CAMK2D: variants seen among roughly 807,000 people sequenced by gnomAD.
CAMK2D encodes the protein calcium/calmodulin dependent protein kinase II delta.
Under a neutral mutation model 84.0 loss-of-function variants are expected in CAMK2D, and 37 were observed. The observed-to-expected ratio is 0.44, with a 90% confidence interval of 0.34 to 0.58. The LOEUF is 0.58. Ranked by LOEUF, CAMK2D falls within the 20% of genes least tolerant of loss-of-function variation. CAMK2D has a pLI of 0.02. For missense variants in CAMK2D, 448 were observed against 652.5 expected (o/e 0.69, Z 3.41); for synonymous variants, 202 against 212.5 (o/e 0.95, Z 0.43).
chr4:113,460,558 T>C (rs967991409), intron 17 of CAMK2D, among the ~76,000 whole-genome samples: 11 of 152,144 alleles, frequency 7.2e-5, no homozygotes, highest in African/African-American at 2.6e-4. Flanking sequence ...TTTTTCTAAC[T>C]CTTGATTGAG....
intron 16 of CAMK2D, among the ~76,000 whole-genome samples, chr4:113,483,447 G>T (rs1321044202): frequency 1.3e-5 from 2 of 150,630 alleles, no homozygotes; most frequent in African/African-American, 4.9e-5. Context: ...CTTTTGTCGC[G>T]CAGGCTGGAG....
intron 4 of CAMK2D, among the ~76,000 whole-genome samples, chr4:113,558,754 C>T (rs971837276): frequency 1.4e-5 from 2 of 147,814 alleles, no homozygotes; most frequent in African/African-American, 5.3e-5. Flanking sequence ...CGCCTATACT[C>T]CCTGCACTTT....
intron 4 of CAMK2D, among the ~76,000 whole-genome samples, chr4:113,574,959 A>G (rs547812026): frequency 6.6e-6 from 1 of 152,296 alleles, no homozygotes; most frequent in Admixed American, 6.5e-5. Context: ...TCAGCAGCAT[A>G]TGGTGAAATC....
chr4:113,478,618 T>A (rs2097659982), intron 16 of CAMK2D, among the ~76,000 whole-genome samples: 1 of 152,204 alleles, frequency 6.6e-6, no homozygotes, highest in Non-Finnish European at 1.5e-5. Context: ...TTATTTTTTC[T>A]GTCATTACGG....
At chr4:113,519,358 G>C (rs947401232) in intron 8 of CAMK2D, among the ~76,000 whole-genome samples, 2 of 152,136 alleles carry the variant, frequency 1.3e-5, no homozygotes, top group African/African-American at 2.4e-5. Flanking sequence ...TCTGGGAAGA[G>C]GAAGCTCACA....
At position 113,455,797 on chromosome 4, in the gene CAMK2D, T is replaced by C. The variant is rs773613193; in HGVS notation, c.1560A>G (p.Lys520=). The change falls in exon 20 of 21, where the codon AAA becomes AAG. Residue 520 remains lysine, a synonymous_variant. Transcript: ENST00000511664. ...PIKPPCIPNG[K]ENFSGGTSLW... ...AAGAGGTGCCTCCTGAGAAGTTTTCTTTCCCATTTGGAATACAGGGTGGCC... is the reference window on the plus strand; with the variant it reads ...AAGAGGTGCCTCCTGAGAAGTTTTCCTTCCCATTTGGAATACAGGGTGGCC... The C allele has an allele frequency of 5.6e-6, 9 of 1,612,106 alleles. No homozygotes were observed. The African/African-American group carries it at 1.1e-4, about 19-fold the overall frequency.
intron 8 of CAMK2D, among the ~76,000 whole-genome samples, chr4:113,528,768 C>A (rs558007004): frequency 6.6e-6 from 1 of 152,242 alleles, no homozygotes. Flanking sequence ...GAGTCTCAGG[C>A]CACTCTGTTG....
At chr4:113,463,429 T>C (rs376868718) in intron 17 of CAMK2D, among the ~76,000 whole-genome samples, 1 of 152,162 alleles carries the variant, frequency 6.6e-6, no homozygotes, top group African/African-American at 2.4e-5. Flanking sequence ...CAGGCTGGAG[T>C]GCAATGGTGC....
intron 2 of CAMK2D, among the ~76,000 whole-genome samples, chr4:113,732,050 G>C (rs17593394): frequency 0.13 from 19,864 of 151,956 alleles, 1,396 homozygotes; most frequent in East Asian, 0.21. Context: ...CTTTGGGCCG[G>C]GGTTTCTCAT....
chr4:113,631,166 C>A (rs1220058081), intron 3 of CAMK2D, among the ~76,000 whole-genome samples: 2 of 152,052 alleles, frequency 1.3e-5, no homozygotes, highest in Non-Finnish European at 2.9e-5. Context: ...ATTCAAAAAT[C>A]ACCTCTTCTT....
intron 2 of CAMK2D, among the ~76,000 whole-genome samples, chr4:113,690,582 A>T (rs186343872): frequency 6.6e-6 from 1 of 152,294 alleles, no homozygotes; most frequent in Admixed American, 6.5e-5. Flanking sequence ...TGTATTTTCA[A>T]AATATCTACT....
chr4:113,682,777 G>A (rs2099349409), intron 2 of CAMK2D, among the ~76,000 whole-genome samples: 1 of 152,106 alleles, frequency 6.6e-6, no homozygotes, highest in Non-Finnish European at 1.5e-5. Flanking sequence ...CCTTTACAAT[G>A]ACTATTATTC....
At chr4:113,530,020 C>T (rs1015384530) in intron 8 of CAMK2D, among the ~76,000 whole-genome samples, 1 of 152,308 alleles carries the variant, frequency 6.6e-6, no homozygotes, top group East Asian at 1.9e-4. Flanking sequence ...AGCAATCTGT[C>T]ATTTAAACAG....
chr4:113,597,471 C>T (rs2098932501), intron 4 of CAMK2D, among the ~76,000 whole-genome samples: 1 of 152,198 alleles, frequency 6.6e-6, no homozygotes, highest in African/African-American at 2.4e-5. Flanking sequence ...TTCCTCTATT[C>T]TTCTGCAGCT....
chr4:113,557,132 G>A (rs2098670351), intron 4 of CAMK2D, among the ~76,000 whole-genome samples: 1 of 152,070 alleles, frequency 6.6e-6, no homozygotes, highest in Non-Finnish European at 1.5e-5. Flanking sequence ...CCACTACAAT[G>A]TCACCAGCCT....
At chr4:113,719,475 G>A (rs1419955282) in intron 2 of CAMK2D, among the ~76,000 whole-genome samples, 3 of 152,158 alleles carry the variant, frequency 2.0e-5, no homozygotes, top group Non-Finnish European at 4.4e-5. Flanking sequence ...AAATTTTTCA[G>A]TGAGATGCTA....
chr4:113,484,739 A>G (rs1209709835), intron 16 of CAMK2D, among the ~76,000 whole-genome samples: 2 of 152,124 alleles, frequency 1.3e-5, no homozygotes, highest in African/African-American at 4.8e-5. Context: ...AATGGTTTTA[A>G]GGTTCTTTGG....
At chr4:113,544,916 T>A (rs1483943086) in intron 6 of CAMK2D, among the ~76,000 whole-genome samples, 5 of 152,142 alleles carry the variant, frequency 3.3e-5, no homozygotes, top group Non-Finnish European at 5.9e-5. Flanking sequence ...CTATTGCTTG[T>A]TTCAGGGACA....
chr4:113,475,604 G>A (rs1006705370), intron 16 of CAMK2D, among the ~76,000 whole-genome samples: 1 of 152,144 alleles, frequency 6.6e-6, no homozygotes, highest in African/African-American at 2.4e-5. Flanking sequence ...AACTAACATA[G>A]TATGAATATT....
Sources: allele counts gnomAD v4.1 joint callset (sites outside exome capture counted in the v4.1 genomes callset), GRCh38; gene constraint gnomAD v4.1.1; transcripts MANE v1.5; gene names NCBI Gene and HGNC (gene_info 2026-07-23, HGNC 2026-07-21).